CDH18: variants seen among roughly 807,000 people sequenced by gnomAD.
The protein encoded by CDH18 is cadherin 18, also known as cadherin-18.
CDH18 carries 31 observed loss-of-function variants against 67.9 expected under a neutral mutation model. The observed-to-expected ratio is 0.46, with a 90% CI of 0.34 to 0.62. CDH18 has a LOEUF of 0.62. Ranked by LOEUF, CDH18 falls within the 20% of genes least tolerant of loss-of-function variation. The pLI, the probability that CDH18 is intolerant of heterozygous loss-of-function variation, is 0.01. For missense variants in CDH18, 890 were observed against 975.5 expected (o/e 0.91, Z 1.17); for synonymous variants, 362 against 347.2 (o/e 1.04, Z -0.48).
chr5:19,714,720 C>T (rs548461306), intron 5 of CDH18, among the ~76,000 whole-genome samples: 2 of 137,588 alleles, frequency 1.5e-5, no homozygotes, highest in South Asian at 2.2e-4. Flanking sequence ...AAGGGACATA[C>T]AGCAGGTCCT....
At chr5:20,565,319 T>A (rs536256201) in intron 1 of CDH18, among the ~76,000 whole-genome samples, 2 of 152,168 alleles carry the variant, frequency 1.3e-5, no homozygotes, top group African/African-American at 4.8e-5. Flanking sequence ...TCAGTAAAAT[T>A]TTAGTAGAAA....
intron 11 of CDH18, among the ~76,000 whole-genome samples, chr5:19,498,564 C>T (rs1742721761): frequency 6.6e-6 from 1 of 152,172 alleles, no homozygotes; most frequent in African/African-American, 2.4e-5. Flanking sequence ...CTACATCACT[C>T]ATGTTAAAAA....
intron 1 of CDH18, among the ~76,000 whole-genome samples, chr5:20,487,346 G>GTATAAACCTATATATA (rs1753262422): frequency 6.7e-6 from 1 of 148,414 alleles, no homozygotes; most frequent in African/African-American, 2.5e-5. Flanking sequence ...ACCTATATAT[G>GTATAAACCTATATATA]TATAAACCTA....
At chr5:20,008,549 A>AG (rs1737130048) in intron 2 of CDH18, among the ~76,000 whole-genome samples, 1 of 152,172 alleles carries the variant, frequency 6.6e-6, no homozygotes, top group Non-Finnish European at 1.5e-5. Flanking sequence ...ATTCAAATAC[A>AG]GTACAGAACT....
At chr5:19,477,144 T>TTA (rs1465115940) in intron 12 of CDH18, among the ~76,000 whole-genome samples, 139 of 147,236 alleles carry the variant, frequency 9.4e-4, no homozygotes, top group Admixed American at 3.1e-3. Flanking sequence ...ATATATATAT[T>TTA]TATATATATA....
chr5:20,242,318 T>G (rs890594901), intron 2 of CDH18, among the ~76,000 whole-genome samples: 3 of 151,884 alleles, frequency 2.0e-5, no homozygotes, highest in African/African-American at 7.3e-5. Flanking sequence ...TGTTTTAGCA[T>G]TTTTGAAATA....
At chr5:19,908,155 T>C (rs945335211) in intron 2 of CDH18, among the ~76,000 whole-genome samples, 2 of 152,104 alleles carry the variant, frequency 1.3e-5, no homozygotes, top group South Asian at 2.1e-4. Flanking sequence ...TTATCAGAAA[T>C]ACTTAATCAT....
intron 2 of CDH18, among the ~76,000 whole-genome samples, chr5:19,910,212 A>G (rs930588127): frequency 4.6e-5 from 7 of 152,208 alleles, no homozygotes; most frequent in Non-Finnish European, 1.0e-4. Flanking sequence ...TTTATTGAGA[A>G]TATACAATAT....
At chr5:20,314,907 CATAA>C (rs1357870958) in intron 1 of CDH18, among the ~76,000 whole-genome samples, 4 of 151,924 alleles carry the variant, frequency 2.6e-5, no homozygotes, top group Non-Finnish European at 4.4e-5. Context: ...TGTCATTCTT[CATAA>C]ATAATGTTTA....
At chr5:19,555,669 T>C (rs1272943337) in intron 8 of CDH18, among the ~76,000 whole-genome samples, 2 of 152,306 alleles carry the variant, frequency 1.3e-5, no homozygotes, top group East Asian at 3.9e-4. Context: ...CCCCATCTGA[T>C]GGTCTTTCTG....
At position 19,471,917 on chromosome 5, in the gene CDH18, G is replaced by A. The variant is rs146616989; in HGVS notation, c.*1309C>T. On this transcript the variant is annotated 3_prime_UTR_variant, in exon 13 of 13. Transcript: ENST00000382275. ...AATTGAATACTTTGCAGTTGGCAAA[G>A]CATTTTACAGATGCTCATTTAATCC... Among the ~76,000 whole-genome samples, 1 of 152,116 alleles carries A rather than the reference G, an allele frequency of 6.6e-6. No homozygotes were observed. Among genetic ancestry groups the A allele is most frequent in the Non-Finnish European group, 1.5e-5 (1 of 68,016 alleles).
intron 2 of CDH18, among the ~76,000 whole-genome samples, chr5:20,139,046 T>C (rs200737489): frequency 2.2e-4 from 33 of 152,026 alleles, no homozygotes; most frequent in Admixed American, 9.8e-4. Context: ...GGAGGCATCA[T>C]GCTACCTGAC....
chr5:20,546,458 A>T (rs1416929974), intron 1 of CDH18, among the ~76,000 whole-genome samples: 1 of 152,148 alleles, frequency 6.6e-6, no homozygotes, highest in African/African-American at 2.4e-5. Flanking sequence ...AACTGACTCA[A>T]AGTTTTGCAT....
intron 5 of CDH18, among the ~76,000 whole-genome samples, chr5:19,704,450 G>A (rs527493918): frequency 6.6e-6 from 1 of 152,126 alleles, no homozygotes. Context: ...GGGAGCACAA[G>A]TTCTAATTCC....
At chr5:20,306,291 G>A (rs1736445380) in intron 1 of CDH18, among the ~76,000 whole-genome samples, 1 of 149,292 alleles carries the variant, frequency 6.7e-6, no homozygotes, top group Non-Finnish European at 1.5e-5. Flanking sequence ...CTATTCAATA[G>A]CAGGTTTTTT....
intron 5 of CDH18, among the ~76,000 whole-genome samples, chr5:19,702,769 A>G (rs1037198622): frequency 1.3e-5 from 2 of 152,002 alleles, no homozygotes; most frequent in African/African-American, 4.8e-5. Flanking sequence ...GGCCATAAAC[A>G]AAATCTCTGC....
chr5:19,721,323 C>T (rs765958833), intron 5 of CDH18, 24 bp downstream of exon 5: 26 of 1,543,650 alleles, frequency 1.7e-5, no homozygotes, highest in Non-Finnish European at 1.9e-5. Context: ...CGCTTGCATG[C>T]GAGTTATGTG....
chr5:20,571,154 T>C (rs1370078994), intron 1 of CDH18, among the ~76,000 whole-genome samples: 3 of 152,136 alleles, frequency 2.0e-5, no homozygotes, highest in Non-Finnish European at 2.9e-5. Flanking sequence ...CTGTGAGACA[T>C]AGAAATATTA....
chr5:19,660,451 A>T (rs2150310057), intron 5 of CDH18, among the ~76,000 whole-genome samples: 1 of 152,260 alleles, frequency 6.6e-6, no homozygotes. Context: ...GGAGAGATTA[A>T]CGCATACTCA....
Sources: gnomAD v4.1 joint callset for allele counts (sites outside exome capture counted in the v4.1 genomes callset) on GRCh38, gnomAD v4.1.1 for gene constraint, MANE v1.5 for transcripts, NCBI Gene and HGNC (gene_info 2026-07-23, HGNC 2026-07-21) for gene names.